The following RABGAP1L variants were observed in gnomAD, a reference collection of about 807,000 sequenced individuals.
RABGAP1L encodes the protein RAB GTPase activating protein 1 like, also known as rab GTPase-activating protein 1-like.
RABGAP1L carries 63 observed loss-of-function variants against 137.7 expected under a neutral mutation model. The ratio of observed to expected loss-of-function variants is 0.46; its 90% confidence interval spans 0.37 to 0.56. RABGAP1L has a LOEUF of 0.56. RABGAP1L is among the 20% of genes least tolerant of loss of function. The pLI, the probability that RABGAP1L is intolerant of heterozygous loss-of-function variation, is 0.00. For missense variants in RABGAP1L, 1,095 were observed against 1,244.0 expected, an observed-to-expected ratio of 0.88 and a Z score of 1.80; for synonymous variants, 431 against 433.7, an observed-to-expected ratio of 0.99 and a Z score of 0.08.
chr1:174,839,796 G>A lies in RABGAP1L; in HGVS notation c.2340+27836G>A, dbSNP rs1693187669. ...ACTATTGAGTACATAATGTGGCCCA[G>A]CTATGGTTCTGTCTTAAGGTTTAGC... is the stretch of plus-strand genomic sequence containing the variant. On this transcript the variant is annotated intron_variant, in intron 19 of 25. Transcript: ENST00000681986. Among the ~76,000 whole-genome samples, 3 of 152,186 alleles carry A rather than the reference G, an allele frequency of 2.0e-5. No homozygotes were observed. In the South Asian group the frequency reaches 6.2e-4, roughly 31 times the overall value.
intron 15 of RABGAP1L, among the ~76,000 whole-genome samples, chr1:174,686,098 G>T (rs139307893): frequency 6.6e-6 from 1 of 152,296 alleles, no homozygotes; most frequent in East Asian, 1.9e-4. Context: ...AAGAAGTTCG[G>T]ATTCTCAGTA....
At chr1:174,935,984 C>CAAA (rs58215269) in intron 19 of RABGAP1L, among the ~76,000 whole-genome samples, 110 of 42,998 alleles carry the variant, frequency 2.6e-3, no homozygotes, top group South Asian at 4.4e-3. Context: ...TCCATCTCAC[C>CAAA]AAAAAAAAAA....
At chr1:174,376,444 C>T (rs1332571775) in intron 12 of RABGAP1L, among the ~76,000 whole-genome samples, 4 of 152,110 alleles carry the variant, frequency 2.6e-5, no homozygotes, top group East Asian at 1.9e-4. Context: ...CTCAACAAGT[C>T]CTAGCATATC....
At chr1:174,392,851 C>T (rs897586380) in intron 12 of RABGAP1L, among the ~76,000 whole-genome samples, 1 of 151,996 alleles carries the variant, frequency 6.6e-6, no homozygotes, top group Non-Finnish European at 1.5e-5. Flanking sequence ...TTAGATCAAA[C>T]CAGAGTACAT....
chr1:174,239,797 G>A (rs758224697), intron 4 of RABGAP1L, among the ~76,000 whole-genome samples: 25 of 152,150 alleles, frequency 1.6e-4, no homozygotes, highest in Non-Finnish European at 1.9e-4. Flanking sequence ...GGTTGAATTT[G>A]TCTGGAGCCT....
intron 11 of RABGAP1L, among the ~76,000 whole-genome samples, chr1:174,358,855 G>T (rs1290882241): frequency 1.3e-5 from 2 of 152,100 alleles, no homozygotes; most frequent in Non-Finnish European, 2.9e-5. Context: ...TACTAATCTA[G>T]CATTGGAAAT....
chr1:174,550,999 C>CATATACATAT lies in RABGAP1L; in HGVS notation c.1711-86371_1711-86370insCATATATATA, dbSNP rs1666476787. ...GTATATATACATATATATATATACA[C>CATATACATAT]ATATATATATATATATATATATACA... On this transcript the variant is annotated intron_variant, in intron 13 of 25. Transcript: ENST00000681986. Among the ~76,000 whole-genome samples the CATATACATAT allele has an allele frequency of 2.3e-5, 2 of 86,372 alleles. 1 individual carries two copies. The highest frequency in any genetic ancestry group is 1.7e-4 in the African/African-American group (2 of 12,032). The allele number at this position is 86,372 out of a possible 152,430, so 56.7% of individuals were successfully genotyped here.
At chr1:174,534,515 G>A (rs552266190) in intron 13 of RABGAP1L, among the ~76,000 whole-genome samples, 2 of 152,026 alleles carry the variant, frequency 1.3e-5, no homozygotes, top group South Asian at 2.1e-4. Flanking sequence ...GGTGACTCAC[G>A]CCTGTAATCC....
At chr1:174,346,602 CTGAT>C (rs1682451368) in intron 11 of RABGAP1L, among the ~76,000 whole-genome samples, 1 of 151,880 alleles carries the variant, frequency 6.6e-6, no homozygotes, top group African/African-American at 2.4e-5. Flanking sequence ...CTTTTTATCT[CTGAT>C]TTCATTTATT....
chr1:174,423,261 T>C (rs1651562282), intron 13 of RABGAP1L, among the ~76,000 whole-genome samples: 1 of 152,194 alleles, frequency 6.6e-6, no homozygotes, highest in African/African-American at 2.4e-5. Context: ...TGTTTAGAGA[T>C]GAATTCAACA....
At chr1:174,778,727 T>C (rs1686727526) in intron 18 of RABGAP1L, among the ~76,000 whole-genome samples, 1 of 152,078 alleles carries the variant, frequency 6.6e-6, no homozygotes, top group Non-Finnish European at 1.5e-5. Flanking sequence ...CCCGAGTAGC[T>C]GGAATTACAG....
chr1:174,448,373 C>G lies in RABGAP1L; in HGVS notation c.1710+54228C>G, dbSNP rs1052750032. 1.9e-6 allele frequency: 3 copies of G among 1,613,692 alleles called. No individual in the cohort carries two copies. Among genetic ancestry groups the G allele is most frequent in the Non-Finnish European group, 2.5e-6 (3 of 1,179,722 alleles). ...CATTCAGACGATGGCATATGCTGAT[C>G]TTTTCGTTGGAGTTAGCTGCTTGGT... is the stretch of plus-strand genomic sequence containing the variant. On this transcript the variant is annotated intron_variant, in intron 13 of 25. Coordinates refer to ENST00000681986, the MANE Select transcript of RABGAP1L (RefSeq NM_001366446.1). The surrounding 1 kb of genome is among the most constrained non-coding windows in gnomAD (Gnocchi z 4.2).
intron 17 of RABGAP1L, among the ~76,000 whole-genome samples, chr1:174,723,681 A>G (rs1252447919): frequency 1.3e-5 from 2 of 152,220 alleles, no homozygotes; most frequent in South Asian, 4.1e-4. Flanking sequence ...AAATACATGT[A>G]AAATTTGCAG....
At chr1:174,247,437 T>C (rs1672359627) in intron 5 of RABGAP1L, among the ~76,000 whole-genome samples, 1 of 152,144 alleles carries the variant, frequency 6.6e-6, no homozygotes, top group South Asian at 2.1e-4. Context: ...ATTTTAGGCA[T>C]ATAGAGATGA....
chr1:174,705,488 A>C (rs1324246799), intron 17 of RABGAP1L: 1 of 152,206 alleles, frequency 6.6e-6, no homozygotes, highest in Non-Finnish European at 1.5e-5. Flanking sequence ...AACATCATAG[A>C]TATTACCTTT....
intron 1 of RABGAP1L, among the ~76,000 whole-genome samples, chr1:174,186,144 CAAA>C (rs201540764): frequency 1.1e-5 from 1 of 91,828 alleles, no homozygotes; most frequent in Non-Finnish European, 2.3e-5. Context: ...AATTCCATCT[CAAA>C]AAAAAAAAAA....
At chr1:174,708,616 A>G (rs1218770488) in intron 17 of RABGAP1L, among the ~76,000 whole-genome samples, 1 of 152,174 alleles carries the variant, frequency 6.6e-6, no homozygotes, top group Non-Finnish European at 1.5e-5. Context: ...TCCAGCCCAG[A>G]TACTACACTT....
intron 13 of RABGAP1L, among the ~76,000 whole-genome samples, chr1:174,533,189 G>A (rs536222045): frequency 1.9e-4 from 29 of 152,276 alleles, no homozygotes; most frequent in African/African-American, 6.3e-4. Context: ...AGCCAAGATC[G>A]CGCCACTGCA....
intron 12 of RABGAP1L, among the ~76,000 whole-genome samples, chr1:174,380,537 A>C (rs1270704319): frequency 5.9e-5 from 9 of 152,096 alleles, no homozygotes; most frequent in Non-Finnish European, 1.0e-4. Context: ...GTGTCAAGGA[A>C]TATATCCATT....
Sources: gnomAD v4.1 joint callset for allele counts (sites outside exome capture counted in the v4.1 genomes callset) on GRCh38, gnomAD v4.1.1 for gene constraint, Gnocchi (gnomAD v3.1) non-coding constraint, MANE v1.5 for transcripts, NCBI Gene and HGNC (gene_info 2026-07-23, HGNC 2026-07-21) for gene names.